The following RASSF4 variants were observed in gnomAD, a reference collection of about 807,000 sequenced individuals.
The protein encoded by RASSF4 is ras association domain-containing protein 4.
A neutral mutation model predicts 41.1 loss-of-function variants in RASSF4; 38 were observed. That is an observed-to-expected ratio of 0.92 (90% CI 0.71 to 1.21). The LOEUF is 1.21. RASSF4 is among the 50% of genes most tolerant of loss of function. The probability of loss-of-function intolerance (pLI) is 0.00; values close to 1 mark genes in which losing one functional copy is unlikely to be tolerated. For missense variants in RASSF4, 414 were observed against 419.4 expected (o/e 0.99, Z 0.11); for synonymous variants, 179 against 163.4 (o/e 1.10, Z -0.73).
chr10:44,977,755 C>G, intron 3 of RASSF4: 12 of 1,601,024 alleles, frequency 7.5e-6, no homozygotes, highest in Non-Finnish European at 1.0e-5. Flanking sequence ...GTGTGGGCTG[C>G]TGGCCACTGA....
chr10:44,993,283 G>A lies in RASSF4; in HGVS notation c.920G>A (p.Arg307His), dbSNP rs545464349. The A allele has an allele frequency of 8.6e-5, 139 of 1,609,280 alleles. 1 individual carries two copies. The Middle Eastern group carries it at 2.1e-3, about 25-fold the overall frequency. The part of the protein sequence containing the change: ...IKLTMKFQAL[R>H]LTMLQRLEQL... ...TCTCCCTCCAGGTTCCAAGCCCTGC[G>A]TCTGACGATGCTGCAGCGCCTGGAG... The change falls in exon 11 of 11, where the codon CGT becomes CAT. Residue 307 changes from arginine to histidine, a missense_variant. Physicochemically the swap from Arg to His is conservative, Grantham distance 29. Coordinates refer to ENST00000340258, the MANE Select transcript of RASSF4 (RefSeq NM_032023.4).
intron 9 of RASSF4, 137 bp downstream of exon 9, chr10:44,991,206 G>C (rs1220854076): frequency 1.3e-6 from 1 of 747,416 alleles, no homozygotes; most frequent in Non-Finnish European, 1.9e-6. Context: ...AGGGCTCCCA[G>C]CCTAGCACAG....
At chr10:44,991,285 G>A (rs1347644608) in intron 9 of RASSF4, 3 of 433,192 alleles carry the variant, frequency 6.9e-6, no homozygotes, top group Non-Finnish European at 1.2e-5. Context: ...AGAAGAATTT[G>A]GGTCCTATAA....
chr10:44,971,564 C>A (rs1170894549), intron 2 of RASSF4: 4 of 680,716 alleles, frequency 5.9e-6, no homozygotes, highest in Admixed American at 4.1e-5. Flanking sequence ...CTCCTCAGCC[C>A]GACCCCCATG....
chr10:44,993,047 A>G (rs1299327649), intron 10 of RASSF4, among the ~76,000 whole-genome samples: 1 of 152,154 alleles, frequency 6.6e-6, no homozygotes, highest in Non-Finnish European at 1.5e-5. Context: ...AGAGTCTGCA[A>G]TAGAAATGAC....
At chr10:44,977,632 C>T (rs781700581) in intron 3 of RASSF4, 1 of 1,612,966 alleles carries the variant, frequency 6.2e-7, no homozygotes, top group Non-Finnish European at 8.5e-7. Context: ...TATGTGGACC[C>T]CAGAGGCCAG....
chr10:44,975,177 A>G (rs1263006891), intron 3 of RASSF4, among the ~76,000 whole-genome samples: 1 of 152,200 alleles, frequency 6.6e-6, no homozygotes, highest in Non-Finnish European at 1.5e-5. Flanking sequence ...GGGACCCCTC[A>G]GCAATGAGAG....
At chr10:44,990,910 A>C (rs770062625) in intron 8 of RASSF4, 38 bp from the exon 9 acceptor site, 2 of 1,601,414 alleles carry the variant, frequency 1.2e-6, no homozygotes, top group Non-Finnish European at 1.7e-6. Flanking sequence ...AGGTGATCCT[A>C]ATCTCCCGTG....
In RASSF4 at chr10:44,995,678, A is replaced by G. The variant is rs1842253073; in HGVS notation, c.*2349A>G. 1 of 152,186 alleles carries G rather than the reference A, an allele frequency of 6.6e-6. No individual in the cohort carries two copies. Among genetic ancestry groups the G allele is most frequent in the African/African-American group, 2.4e-5 (1 of 41,444 alleles). 9.4% of individuals were successfully genotyped at this position (152,186 alleles called of 1,614,324 possible). A position where few individuals can be genotyped will look rare whatever the true frequency, so the allele number is the denominator to read the frequency against. ...TTCACACCTTTTTTTCTAAATCAAC[A>G]TCATATTTGCTGTTCAGAGGCAATC... On this transcript the variant is annotated 3_prime_UTR_variant, in exon 11 of 11. Transcript: ENST00000340258.
At chr10:44,989,544 G>A in intron 7 of RASSF4, 126 bp from the exon 8 acceptor site, 1 of 993,328 alleles carries the variant, frequency 1.0e-6, no homozygotes. Context: ...AGAGGAGGTT[G>A]GGAGAGGACA....
chr10:44,971,322 A>G (rs1054151670), intron 2 of RASSF4: 3 of 363,164 alleles, frequency 8.3e-6, no homozygotes, highest in Non-Finnish European at 1.6e-5. Context: ...GGTGGGGAAG[A>G]AGCAGGCACC....
chr10:44,990,314 A>T (rs143656916), intron 8 of RASSF4, among the ~76,000 whole-genome samples: 3 of 152,370 alleles, frequency 2.0e-5, no homozygotes, highest in African/African-American at 7.2e-5. Flanking sequence ...CAAAAGACAG[A>T]TTAAGGAGAA....
rs1161532837 is a variant in RASSF4, at chr10:44,982,740, GAGCCCTGTTCC to G, written c.281+78_281+88del. ...GGGGATATCCCGAGCCTCAGGGTGG[GAGCCCTGTTCC>G]CTTATGGGACACTGGCACAGGAGGG... On this transcript the variant is annotated intron_variant, in intron 4 of 10. Coordinates refer to ENST00000340258, the MANE Select transcript of RASSF4 (RefSeq NM_032023.4). 5 of 1,497,170 alleles carry G rather than the reference GAGCCCTGTTCC, an allele frequency of 3.3e-6. No individual in the cohort carries two copies. The African/African-American group carries it at 7.0e-5, about 21-fold the overall frequency. The allele number at this position is 1,497,170 out of a possible 1,614,324, so 92.7% of individuals were successfully genotyped here. A position where few individuals can be genotyped will look rare whatever the true frequency, so the allele number is the denominator to read the frequency against.
In RASSF4 at chr10:44,991,895, G is replaced by T. The variant is rs777708638; in HGVS notation, c.808-10G>T. The T allele has an allele frequency of 6.3e-7, 1 of 1,590,034 alleles. No individual in the cohort carries two copies. The highest frequency in any genetic ancestry group is 1.1e-5 in the South Asian group (1 of 89,428). On this transcript the variant is annotated splice_polypyrimidine_tract_variant and intron_variant, in intron 9 of 10. Transcript: ENST00000340258. ...TTTAAAGCACATTAAAATGTTCTTG[G>T]ATTTTCTAGGTCGCTCAGTACATTA...
rs145855403 is a variant in RASSF4, at chr10:44,982,648, G to A, written c.266G>A (p.Arg89Gln). ...HLPSTSWMPR[R>Q]PSCPLKEPSP... Reference sequence around the variant, plus strand: ...CCCTCCACCTCATGGATGCCCAGACGGCCTAGCTGCCCTCTGTGAGTACCC... The same window carrying A: ...CCCTCCACCTCATGGATGCCCAGACAGCCTAGCTGCCCTCTGTGAGTACCC... The change falls in exon 4 of 11, where the codon CGG becomes CAG. Residue 89 changes from arginine to glutamine, a missense_variant. Coordinates refer to ENST00000340258, the MANE Select transcript of RASSF4 (RefSeq NM_032023.4). The A allele has an allele frequency of 8.1e-4, 1,303 of 1,613,142 alleles. 3 individuals carry two copies. The highest frequency in any genetic ancestry group is 1.7e-3 in the South Asian group (157 of 91,006).
chr10:44,978,533 G>C (rs1179142326), intron 3 of RASSF4: 1 of 152,756 alleles, frequency 6.5e-6, no homozygotes, highest in East Asian at 1.9e-4. Context: ...GGGAGGCTGT[G>C]CAAGTTCAGG....
At chr10:44,971,616 C>T (rs546661281) in intron 2 of RASSF4, 157 bp from the exon 3 acceptor site, 35 of 730,114 alleles carry the variant, frequency 4.8e-5, no homozygotes, top group East Asian at 3.9e-4. Flanking sequence ...GGGTGCATTG[C>T]GATGGCAGTC....
chr10:44,978,944 A>C (rs1330556177), intron 3 of RASSF4: 2 of 152,254 alleles, frequency 1.3e-5, no homozygotes, highest in East Asian at 1.9e-4. Context: ...CCCAGCTGCC[A>C]GCTTGGAGGT....
Position 44,990,312 on chromosome 10 carries a change from A to G in RASSF4, c.685+591A>G, listed in dbSNP as rs564872591. 2.0e-5 allele frequency among the ~76,000 whole-genome samples: 3 copies of G among 152,398 alleles called. No homozygotes were observed. The East Asian group carries it at 5.8e-4, about 29-fold the overall frequency. On this transcript the variant is annotated intron_variant, in intron 8 of 10. Transcript: ENST00000340258. ...CCCTGTATTTAGATTAACAAAAGAC[A>G]GATTAAGGAGAAGAACAAACAGAAG...
Sources: allele counts gnomAD v4.1 joint callset (sites outside exome capture counted in the v4.1 genomes callset), GRCh38; gene constraint gnomAD v4.1.1; transcripts MANE v1.5; gene names NCBI Gene and HGNC (gene_info 2026-07-23, HGNC 2026-07-21).